The following EYS variants were observed in gnomAD, a reference collection of about 807,000 sequenced individuals.
The protein encoded by EYS is protein eyes shut homolog.
A neutral mutation model predicts 282.1 loss-of-function variants in EYS; 250 were observed. The ratio of observed to expected loss-of-function variants is 0.89; its 90% CI spans 0.80 to 0.98. The LOEUF (loss-of-function observed/expected upper bound fraction) is 0.98. EYS is among the 50% of genes least tolerant of loss of function. EYS has a pLI of 0.00. For missense variants in EYS, 4,016 were observed against 3,709.0 expected (o/e 1.08, Z -2.15); for synonymous variants, 1,355 against 1,282.9 (o/e 1.06, Z -1.20).
chr6:65,219,375 T>C (rs898576993), intron 12 of EYS, among the ~76,000 whole-genome samples: 19 of 152,124 alleles, frequency 1.2e-4, no homozygotes, highest in African/African-American at 4.6e-4. Context: ...TACAGAATAG[T>C]TCACAACCTA....
At chr6:64,296,598 ATTTTTT>A (rs1173183488) in intron 30 of EYS, among the ~76,000 whole-genome samples, 19 of 20,122 alleles carry the variant, frequency 9.4e-4, no homozygotes, top group East Asian at 3.0e-3. Flanking sequence ...ATATATATAT[ATTTTTT>A]TTTTTTTTTT....
intron 12 of EYS, among the ~76,000 whole-genome samples, chr6:65,255,539 A>G (rs1425010977): frequency 1.3e-5 from 2 of 152,028 alleles, no homozygotes; most frequent in African/African-American, 4.8e-5. Flanking sequence ...AAGCTTCTGT[A>G]CAGCAAAGGA....
At chr6:64,245,497 G>A (rs1001991781) in intron 30 of EYS, among the ~76,000 whole-genome samples, 2 of 149,022 alleles carry the variant, frequency 1.3e-5, no homozygotes, top group South Asian at 2.1e-4. Flanking sequence ...CGTTTTTATG[G>A]CATCCTTTTT....
chr6:64,577,297 T>C (rs1398933595), intron 26 of EYS, among the ~76,000 whole-genome samples: 2 of 152,112 alleles, frequency 1.3e-5, no homozygotes, highest in African/African-American at 4.8e-5. Context: ...TATTCCAGCA[T>C]TGGTGTCACA....
chr6:65,297,553 G>A (rs1768700550), intron 11 of EYS, among the ~76,000 whole-genome samples: 1 of 151,902 alleles, frequency 6.6e-6, no homozygotes, highest in Non-Finnish European at 1.5e-5. Flanking sequence ...ACTGGTCTTG[G>A]AGAGAAAACT....
At chr6:65,110,815 T>TA (rs1014490877) in intron 12 of EYS, among the ~76,000 whole-genome samples, 2 of 152,130 alleles carry the variant, frequency 1.3e-5, no homozygotes, top group Admixed American at 1.3e-4. Context: ...CAGTGCAGTA[T>TA]AAAAAATCAT....
intron 26 of EYS, among the ~76,000 whole-genome samples, chr6:64,511,238 C>CAT (rs971606330): frequency 6.3e-5 from 9 of 143,288 alleles, no homozygotes; most frequent in Middle Eastern, 3.7e-3. Context: ...ATATATATAT[C>CAT]ATATATATAT....
chr6:65,642,533 ATT>A (rs11299994), intron 1 of EYS, among the ~76,000 whole-genome samples: 2 of 151,484 alleles, frequency 1.3e-5, no homozygotes, highest in Admixed American at 6.6e-5. Flanking sequence ...CAATCATTTT[ATT>A]TTTTTTTATT....
At chr6:63,893,803 G>C (rs1332307065) in intron 35 of EYS, among the ~76,000 whole-genome samples, 2 of 152,170 alleles carry the variant, frequency 1.3e-5, no homozygotes, top group Admixed American at 6.5e-5. Context: ...AAAATTCAGA[G>C]CAGATGTTTT....
chr6:64,312,218 G>A (rs911070412), intron 29 of EYS, among the ~76,000 whole-genome samples: 27 of 152,026 alleles, frequency 1.8e-4, no homozygotes, highest in African/African-American at 6.5e-4. Context: ...CATTACTGAG[G>A]CTTGAGTAGG....
intron 28 of EYS, among the ~76,000 whole-genome samples, chr6:64,402,686 C>T (rs1339816956): frequency 6.6e-6 from 1 of 152,128 alleles, no homozygotes; most frequent in East Asian, 1.9e-4. Flanking sequence ...CAAAGATTAG[C>T]TAAAAATTTT....
intron 1 of EYS, among the ~76,000 whole-genome samples, chr6:65,683,795 T>A (rs1157362602): frequency 6.6e-6 from 1 of 152,038 alleles, no homozygotes; most frequent in Non-Finnish European, 1.5e-5. Flanking sequence ...CTAGGACATA[T>A]ACTCAGCAGA....
At chr6:64,460,108 C>T (rs1775694415) in intron 26 of EYS, among the ~76,000 whole-genome samples, 1 of 152,096 alleles carries the variant, frequency 6.6e-6, no homozygotes, top group African/African-American at 2.4e-5. Flanking sequence ...TCAACAGATC[C>T]CATTTTCTAA....
Position 65,619,505 on chromosome 6 carries a change from A to G in EYS, c.-333+20273T>C, listed in dbSNP as rs546347791. On this transcript the variant is annotated intron_variant, in intron 2 of 42. Coordinates refer to ENST00000503581, the MANE Select transcript of EYS (RefSeq NM_001142800.2). ...ACAATCATGTCATCTGCAAACAGGG[A>G]CAATTTGACTTCCTCTTTTCCTAAT... is the stretch of plus-strand genomic sequence containing the variant. Among the ~76,000 whole-genome samples, 477 of 152,266 alleles carry G rather than the reference A, an allele frequency of 3.1e-3. 2 individuals are homozygous for G. Among genetic ancestry groups the G allele is most frequent in the South Asian group, 6.6e-3 (32 of 4,822 alleles).
intron 22 of EYS, among the ~76,000 whole-genome samples, chr6:64,707,424 C>T (rs893004072): frequency 6.6e-6 from 1 of 151,990 alleles, no homozygotes; most frequent in Non-Finnish European, 1.5e-5. Context: ...AATCCCAGCA[C>T]TTTGGGAGAC....
intron 30 of EYS, among the ~76,000 whole-genome samples, chr6:64,233,228 A>T: frequency 6.6e-6 from 1 of 152,200 alleles, no homozygotes; most frequent in East Asian, 1.9e-4. Flanking sequence ...AAACATCAGG[A>T]TCACAAATCA....
At chr6:65,209,471 C>A (rs914966824) in intron 12 of EYS, among the ~76,000 whole-genome samples, 4 of 151,816 alleles carry the variant, frequency 2.6e-5, no homozygotes, top group Admixed American at 6.6e-5. Context: ...AATATAAACA[C>A]AACAAGGAAT....
At chr6:64,477,514 G>C (rs888494821) in intron 26 of EYS, among the ~76,000 whole-genome samples, 3 of 152,062 alleles carry the variant, frequency 2.0e-5, no homozygotes, top group African/African-American at 4.8e-5. Context: ...TGTATAAATG[G>C]AATTGGAAGT....
intron 13 of EYS, among the ~76,000 whole-genome samples, chr6:65,022,566 C>G (rs1245593457): frequency 6.6e-6 from 1 of 151,754 alleles, no homozygotes; most frequent in Non-Finnish European, 1.5e-5. Flanking sequence ...AATCTTCTGG[C>G]TGAAATAAAC....
Sources: gnomAD v4.1 joint callset for allele counts (sites outside exome capture counted in the v4.1 genomes callset) on GRCh38, gnomAD v4.1.1 for gene constraint, MANE v1.5 for transcripts, NCBI Gene and HGNC (gene_info 2026-07-23, HGNC 2026-07-21) for gene names.